The following BABAM2 variants were observed in gnomAD, a reference collection of about 807,000 sequenced individuals.
BABAM2 encodes BRISC and BRCA1-A complex member 2.
BABAM2 carries 31 observed loss-of-function variants against 54.7 expected under a neutral mutation model. That is an observed-to-expected ratio of 0.57 (90% CI 0.43 to 0.77). The LOEUF (loss-of-function observed/expected upper bound fraction) is 0.77. BABAM2 is among the 30% of genes least tolerant of loss of function. BABAM2 has a pLI of 0.00. For synonymous variants in BABAM2, 167 were observed against 162.9 expected (o/e 1.03, Z -0.19); for missense variants, 364 against 455.8 (o/e 0.80, Z 1.83).
chr2:28,173,825 T>C (rs1279943811), intron 7 of BABAM2, among the ~76,000 whole-genome samples: 1 of 152,210 alleles, frequency 6.6e-6, no homozygotes, highest in Non-Finnish European at 1.5e-5. Context: ...AAAGTCCTGA[T>C]AGCTTAAAGC....
intron 7 of BABAM2, among the ~76,000 whole-genome samples, chr2:28,220,572 G>A (rs1200804628): frequency 4.6e-5 from 7 of 151,298 alleles, no homozygotes; most frequent in Admixed American, 6.6e-5. Flanking sequence ...TCTGTCTCTC[G>A]TATTACAAAA....
At position 28,245,926 on chromosome 2, in the gene BABAM2, C is replaced by G. The variant is rs1020348237; in HGVS notation, c.934+1064C>G. On this transcript the variant is annotated intron_variant, in intron 10 of 11. Coordinates refer to ENST00000379624, the MANE Select transcript of BABAM2 (RefSeq NM_199191.3). ...ATAGTTCTTAAGTTCATTTTTCTAT[C>G]TGATTACACACCAATAGATAGTAAG... is the stretch of plus-strand genomic sequence containing the variant. Among the ~76,000 whole-genome samples, 36 of 152,144 alleles carry G rather than the reference C, an allele frequency of 2.4e-4. 1 individual carries two copies. Among genetic ancestry groups the G allele is most frequent in the African/African-American group, 8.2e-4 (34 of 41,422 alleles).
chr2:28,322,230 CT>C lies in BABAM2; in HGVS notation c.1089-16219del, dbSNP rs1383787358. On this transcript the variant is annotated intron_variant, in intron 11 of 11. Coordinates refer to ENST00000379624, the MANE Select transcript of BABAM2 (RefSeq NM_199191.3). This position sits in a 1 kb window ranked among gnomAD's most constrained non-coding sequence, Gnocchi z 4.1. ...CCAGTGATGGAGCTTCCAGCTGCCC[CT>C]ACCATTCGGTGCACAAGTGTCCCTG... 1.3e-5 allele frequency among the ~76,000 whole-genome samples: 2 copies of C among 152,272 alleles called. No individual in the cohort carries two copies. The highest frequency in any genetic ancestry group is 3.9e-4 in the East Asian group (2 of 5,150).
intron 7 of BABAM2, among the ~76,000 whole-genome samples, chr2:28,150,251 A>C (rs1026260236): frequency 6.6e-6 from 1 of 152,194 alleles, no homozygotes. Context: ...CTGCAAGTGA[A>C]AAGTAGAGGG....
In BABAM2 at chr2:27,895,105, G is replaced by A. The variant is rs182667077; in HGVS notation, c.128+421G>A. 573 of 154,822 alleles carry A rather than the reference G, an allele frequency of 3.7e-3. 4 individuals carry two copies. Among genetic ancestry groups the A allele is most frequent in the South Asian group, 0.037 (179 of 4,886 alleles). 9.6% of individuals were successfully genotyped at this position (154,822 alleles called of 1,614,324 possible). On this transcript the variant is annotated intron_variant, in intron 2 of 11. Transcript: ENST00000379624. Reference sequence around the variant, plus strand: ...CCAAAATGGGTCATTTCTCACAATGGGGTTGAAACAGCAAGATCTCACACC... The same window carrying A: ...CCAAAATGGGTCATTTCTCACAATGAGGTTGAAACAGCAAGATCTCACACC...
At chr2:28,128,780 C>A (rs1480726816) in intron 6 of BABAM2, among the ~76,000 whole-genome samples, 1 of 152,088 alleles carries the variant, frequency 6.6e-6, no homozygotes, top group Non-Finnish European at 1.5e-5. Flanking sequence ...GTGTACCTAA[C>A]CCCCTTGTCA....
chr2:27,971,277 A>G (rs560627758), intron 3 of BABAM2, among the ~76,000 whole-genome samples: 2 of 152,236 alleles, frequency 1.3e-5, no homozygotes, highest in Admixed American at 6.5e-5. Flanking sequence ...AACATAATGT[A>G]TATGTTTATT....
chr2:28,104,460 A>G (rs1667334393), intron 6 of BABAM2, among the ~76,000 whole-genome samples: 2 of 152,244 alleles, frequency 1.3e-5, no homozygotes, highest in Admixed American at 1.3e-4. Flanking sequence ...ACTGGCCATC[A>G]GAGAAATGTA....
chr2:28,310,538 C>G (rs1057272732), intron 11 of BABAM2: 27 of 174,210 alleles, frequency 1.5e-4, no homozygotes, highest in Non-Finnish European at 4.9e-5. Flanking sequence ...GCCTCAGTCA[C>G]ACAAGCCAGA....
intron 10 of BABAM2, among the ~76,000 whole-genome samples, chr2:28,267,414 A>G (rs901681146): frequency 1.3e-5 from 2 of 151,166 alleles, no homozygotes; most frequent in African/African-American, 4.9e-5. Flanking sequence ...TGCTTCATTT[A>G]CACTGACTAG....
In BABAM2 at chr2:27,945,159, A is replaced by T. The variant is rs189446986; in HGVS notation, c.205+15251A>T. Among the ~76,000 whole-genome samples the T allele has an allele frequency of 8.2e-4, 125 of 152,164 alleles. 1 individual carries two copies. Among genetic ancestry groups the T allele is most frequent in the African/African-American group, 1.2e-3 (51 of 41,508 alleles). On this transcript the variant is annotated intron_variant, in intron 3 of 11. Transcript: ENST00000379624. ...CTCAGCCTCCCAAATAGCTGGGACT[A>T]CAGGCACATACTACCATACCTGGCT...
chr2:28,129,232 G>C, intron 6 of BABAM2, 39 bp from the exon 7 acceptor site: 1 of 1,543,402 alleles, frequency 6.5e-7, no homozygotes, highest in African/African-American at 1.4e-5. Context: ...GATGTTAGGA[G>C]AACAGGTGCT....
At chr2:27,895,839 C>A (rs1665255740) in intron 2 of BABAM2, among the ~76,000 whole-genome samples, 2 of 152,114 alleles carry the variant, frequency 1.3e-5, no homozygotes, top group African/African-American at 4.8e-5. Context: ...TCTTCCTTCT[C>A]CTTCAGTTAT....
chr2:28,144,213 T>C (rs1297629419), intron 7 of BABAM2, among the ~76,000 whole-genome samples: 1 of 152,244 alleles, frequency 6.6e-6, no homozygotes, highest in African/African-American at 2.4e-5. Context: ...AAGTTGCTGT[T>C]CTTGCTGTTA....
intron 6 of BABAM2, among the ~76,000 whole-genome samples, chr2:28,100,932 G>A (rs751307589): frequency 6.6e-6 from 1 of 152,124 alleles, no homozygotes; most frequent in African/African-American, 2.4e-5. Context: ...AGACAGGCAA[G>A]GATTTGACAA....
At chr2:28,114,498 A>C (rs1573609549) in intron 6 of BABAM2, among the ~76,000 whole-genome samples, 1 of 152,230 alleles carries the variant, frequency 6.6e-6, no homozygotes, top group East Asian at 1.9e-4. Context: ...CTATTGAAGA[A>C]GAAGGAAGAA....
intron 3 of BABAM2, among the ~76,000 whole-genome samples, chr2:27,953,292 C>G (rs1386082085): frequency 6.6e-6 from 1 of 152,130 alleles, no homozygotes; most frequent in Admixed American, 6.5e-5. Context: ...GCAGATCCTC[C>G]TACCCCAGGC....
At chr2:27,985,675 C>A (rs1672347471) in intron 3 of BABAM2, among the ~76,000 whole-genome samples, 1 of 152,096 alleles carries the variant, frequency 6.6e-6, no homozygotes, top group Admixed American at 6.6e-5. Flanking sequence ...TCTGTGGATG[C>A]TTACAATTTA....
chr2:28,021,777 T>TC (rs963506471), intron 4 of BABAM2, among the ~76,000 whole-genome samples: 42 of 152,142 alleles, frequency 2.8e-4, no homozygotes, highest in Non-Finnish European at 5.1e-4. Flanking sequence ...ATAATTTTTT[T>TC]CCCCCCGGAA....
Sources: allele counts gnomAD v4.1 joint callset (sites outside exome capture counted in the v4.1 genomes callset), GRCh38; gene constraint gnomAD v4.1.1; non-coding constraint Gnocchi (gnomAD v3.1); transcripts MANE v1.5; gene names NCBI Gene and HGNC (gene_info 2026-07-23, HGNC 2026-07-21).